The following GLRA3 variants were observed in gnomAD, a reference collection of about 807,000 sequenced individuals.
GLRA3 encodes glycine receptor alpha 3, also known as glycine receptor subunit alpha-3.
Under a neutral mutation model 60.4 loss-of-function variants are expected in GLRA3, and 44 were observed. That is an observed-to-expected ratio of 0.73 (90% confidence interval 0.57 to 0.94). The LOEUF (loss-of-function observed/expected upper bound fraction) is 0.94, where lower values mean the gene tolerates loss of function less well. GLRA3 is among the 40% of genes least tolerant of loss of function. The pLI is 0.00. For synonymous variants in GLRA3, 223 were observed against 192.9 expected (o/e 1.16, Z -1.29); for missense variants, 508 against 564.6 (o/e 0.90, Z 1.02).
At chr4:174,674,955 G>T (rs912508815) in intron 7 of GLRA3, among the ~76,000 whole-genome samples, 1 of 152,102 alleles carries the variant, frequency 6.6e-6, no homozygotes, top group Non-Finnish European at 1.5e-5. Flanking sequence ...CTTTTGAATG[G>T]TCTCATCCAA....
rs1295096021 is a variant in GLRA3, at chr4:174,668,166, A to G, written c.927+8912T>C. Among the ~76,000 whole-genome samples the G allele has an allele frequency of 2.0e-5, 3 of 152,130 alleles. No homozygotes were observed. In the East Asian group the frequency reaches 5.8e-4, roughly 29 times the overall value. ...GATTGTAAGTTTCCTGAGGCCCCCC[A>G]GAAACAGAAGCCTGGATAGCCCATA... On this transcript the variant is annotated intron_variant, in intron 7 of 9. Transcript: ENST00000274093.
intron 1 of GLRA3, among the ~76,000 whole-genome samples, chr4:174,825,262 T>C (rs1479350141): frequency 6.6e-6 from 1 of 152,072 alleles, no homozygotes; most frequent in Non-Finnish European, 1.5e-5. Flanking sequence ...TTTTCTTCAA[T>C]ATCTTACATA....
chr4:174,768,598 G>A (rs547890539), intron 2 of GLRA3, among the ~76,000 whole-genome samples: 2 of 152,072 alleles, frequency 1.3e-5, no homozygotes, highest in Non-Finnish European at 2.9e-5. Context: ...GCAGAAATTG[G>A]TAAATTGTTG....
chr4:174,779,565 A>C (rs1738778645), intron 2 of GLRA3, among the ~76,000 whole-genome samples: 1 of 152,152 alleles, frequency 6.6e-6, no homozygotes, highest in Non-Finnish European at 1.5e-5. Flanking sequence ...AAAACTTTGA[A>C]AAAAATTTAG....
chr4:174,687,883 A>C (rs1422767921), intron 5 of GLRA3, among the ~76,000 whole-genome samples: 1 of 152,172 alleles, frequency 6.6e-6, no homozygotes, highest in African/African-American at 2.4e-5. Context: ...TGCAAGGTAG[A>C]CAAGTTAGTT....
chr4:174,820,660 T>C (rs1740709217), intron 1 of GLRA3, among the ~76,000 whole-genome samples: 1 of 152,146 alleles, frequency 6.6e-6, no homozygotes, highest in Non-Finnish European at 1.5e-5. Flanking sequence ...ATTCACATTT[T>C]TTTCCCAGTC....
chr4:174,753,336 A>T (rs999726148), intron 3 of GLRA3, among the ~76,000 whole-genome samples: 3 of 152,174 alleles, frequency 2.0e-5, no homozygotes, highest in Non-Finnish European at 4.4e-5. Flanking sequence ...ATATTAACTC[A>T]CACATCTGTC....
chr4:174,713,052 A>C (rs1320569454), intron 5 of GLRA3, among the ~76,000 whole-genome samples: 2 of 152,072 alleles, frequency 1.3e-5, no homozygotes, highest in African/African-American at 4.8e-5. Flanking sequence ...AACGCCTTGA[A>C]GAACTTGACT....
chr4:174,779,316 A>C (rs1009269946), intron 2 of GLRA3, among the ~76,000 whole-genome samples: 1 of 152,138 alleles, frequency 6.6e-6, no homozygotes, highest in African/African-American at 2.4e-5. Context: ...CCATCTGTAC[A>C]TCACCATCAT....
rs779887407 is a variant in GLRA3, at chr4:174,643,766, A to G, written c.*20T>C. 6.2e-7 allele frequency: 1 copy of G among 1,603,876 alleles called. No individual in the cohort carries two copies. Among genetic ancestry groups the G allele is most frequent in the African/African-American group, 1.3e-5 (1 of 74,440 alleles). ...ACTTTCTTCTGAATTGACCATTTGCATTTGCATGCCCCCAGAGACTTAATC... is the reference window on the plus strand; with the variant it reads ...ACTTTCTTCTGAATTGACCATTTGCGTTTGCATGCCCCCAGAGACTTAATC... On this transcript the variant is annotated 3_prime_UTR_variant, in exon 10 of 10. Transcript: ENST00000274093.
rs138544180 is a variant in GLRA3, at chr4:174,762,862, G to T, written c.267+4101C>A. On this transcript the variant is annotated intron_variant, in intron 3 of 9. Transcript: ENST00000274093. ...ATAGAACAATTTTGGTACCCAGAAG[G>T]CTCCGTGGTACCTCCTCACAATCAG... is the stretch of plus-strand genomic sequence containing the variant. 4.5e-3 allele frequency among the ~76,000 whole-genome samples: 685 copies of T among 152,080 alleles called. 6 individuals carry two copies. Among genetic ancestry groups the T allele is most frequent in the African/African-American group, 0.016 (658 of 41,494 alleles).
At chr4:174,661,614 C>T (rs548301011) in intron 7 of GLRA3, among the ~76,000 whole-genome samples, 15 of 152,172 alleles carry the variant, frequency 9.9e-5, no homozygotes, top group Admixed American at 2.6e-4. Flanking sequence ...TGGCTCCTTG[C>T]TCCTGGTCCC....
intron 4 of GLRA3, among the ~76,000 whole-genome samples, chr4:174,728,005 C>T (rs1214486885): frequency 6.6e-6 from 1 of 151,800 alleles, no homozygotes; most frequent in African/African-American, 2.4e-5. Context: ...ACAGTTAGGG[C>T]AAAAATGCAA....
chr4:174,819,570 C>T (rs1376432980), intron 1 of GLRA3, among the ~76,000 whole-genome samples: 3 of 152,144 alleles, frequency 2.0e-5, no homozygotes, highest in Admixed American at 2.0e-4. Context: ...ATTTATACTC[C>T]TTTCCATTCC....
chr4:174,711,429 TTA>T (rs199542230), intron 5 of GLRA3, among the ~76,000 whole-genome samples: 11 of 143,514 alleles, frequency 7.7e-5, no homozygotes, highest in African/African-American at 2.0e-4. Flanking sequence ...ATTTTCCTAA[TTA>T]TATATATATA....
At chr4:174,688,574 G>A (rs1734650151) in intron 5 of GLRA3, among the ~76,000 whole-genome samples, 1 of 118,570 alleles carries the variant, frequency 8.4e-6, no homozygotes, top group Non-Finnish European at 1.8e-5. Flanking sequence ...AAAGGGGAAG[G>A]AGGAAGTGTG....
At chr4:174,761,372 A>G (rs930288725) in intron 3 of GLRA3, among the ~76,000 whole-genome samples, 1 of 152,136 alleles carries the variant, frequency 6.6e-6, no homozygotes, top group Non-Finnish European at 1.5e-5. Flanking sequence ...ATGTGAGCCT[A>G]TCATTTGTAT....
chr4:174,726,691 T>C (rs538587163), intron 4 of GLRA3, among the ~76,000 whole-genome samples: 1 of 152,308 alleles, frequency 6.6e-6, no homozygotes, highest in Non-Finnish European at 1.5e-5. Context: ...AGCCAGCCTG[T>C]GCTTATATCC....
At chr4:174,763,282 G>T (rs1000509815) in intron 3 of GLRA3, among the ~76,000 whole-genome samples, 3 of 152,094 alleles carry the variant, frequency 2.0e-5, no homozygotes, top group African/African-American at 7.2e-5. Flanking sequence ...CCATGTAACT[G>T]CTACCTTCCA....
Sources: allele counts gnomAD v4.1 joint callset (sites outside exome capture counted in the v4.1 genomes callset), GRCh38; gene constraint gnomAD v4.1.1; transcripts MANE v1.5; gene names NCBI Gene and HGNC (gene_info 2026-07-23, HGNC 2026-07-21).